NRXN3: variants seen among roughly 807,000 people sequenced by gnomAD.
The protein encoded by NRXN3 is neurexin III.
In NRXN3, 32 loss-of-function variants were observed where a neutral mutation model predicts 137.6. The ratio of observed to expected loss-of-function variants is 0.23; its 90% CI spans 0.18 to 0.31. NRXN3 has a LOEUF of 0.31. NRXN3 is among the 10% of genes least tolerant of loss of function. The pLI is 1.00. For synonymous variants in NRXN3, 798 were observed against 784.5 expected, an observed-to-expected ratio of 1.02 and a Z score of -0.29; for missense variants, 1,574 against 2,062.5, an observed-to-expected ratio of 0.76 and a Z score of 4.59.
intron 4 of NRXN3, among the ~76,000 whole-genome samples, chr14:78,520,530 C>A (rs939554829): frequency 6.6e-6 from 1 of 152,062 alleles, no homozygotes; most frequent in Admixed American, 6.5e-5. Context: ...ACAGAGGACT[C>A]AGATAAAGTT....
chr14:78,195,071 C>T (rs1386563058), intron 1 of NRXN3, among the ~76,000 whole-genome samples: 8 of 149,694 alleles, frequency 5.3e-5, no homozygotes, highest in African/African-American at 2.0e-4. Context: ...CGACCCCCCA[C>T]CCTTTTTTTT....
intron 16 of NRXN3, among the ~76,000 whole-genome samples, chr14:79,558,597 A>G (rs2097455817): frequency 1.3e-5 from 2 of 148,918 alleles, no homozygotes; most frequent in South Asian, 4.2e-4. Flanking sequence ...TCTCAACAGT[A>G]GGCTTAAATA....
At chr14:78,571,942 A>G (rs904239995) in intron 4 of NRXN3, among the ~76,000 whole-genome samples, 2 of 152,150 alleles carry the variant, frequency 1.3e-5, no homozygotes, top group Non-Finnish European at 2.9e-5. Flanking sequence ...GAGCAAATGT[A>G]TACACTGCTA....
At chr14:79,662,515 G>A (rs1055282438) in intron 16 of NRXN3, among the ~76,000 whole-genome samples, 8 of 152,168 alleles carry the variant, frequency 5.3e-5, no homozygotes, top group African/African-American at 4.8e-5. Flanking sequence ...CAGGAGGTTG[G>A]TGATATCACC....
intron 11 of NRXN3, among the ~76,000 whole-genome samples, chr14:78,965,367 A>G (rs2099415440): frequency 6.6e-6 from 1 of 152,156 alleles, no homozygotes; most frequent in African/African-American, 2.4e-5. Context: ...AAGTGTAATG[A>G]CCGCTTTTTA....
At chr14:79,569,966 A>G (rs2097584560) in intron 16 of NRXN3, among the ~76,000 whole-genome samples, 1 of 152,150 alleles carries the variant, frequency 6.6e-6, no homozygotes, top group Non-Finnish European at 1.5e-5. Context: ...ACATCACCAG[A>G]AGGGATACAC....
chr14:79,069,614 G>T (rs749700470), intron 15 of NRXN3, among the ~76,000 whole-genome samples: 3 of 151,004 alleles, frequency 2.0e-5, no homozygotes, highest in Non-Finnish European at 4.4e-5. Context: ...GAGTTAAAAA[G>T]CTATGACCTG....
chr14:79,818,580 C>T (rs150960965), intron 20 of NRXN3, among the ~76,000 whole-genome samples: 2 of 152,144 alleles, frequency 1.3e-5, no homozygotes, highest in African/African-American at 2.4e-5. Context: ...AACAACAAAA[C>T]GAACTTGTAT....
At chr14:79,350,394 C>G (rs907518133) in intron 15 of NRXN3, among the ~76,000 whole-genome samples, 1 of 152,190 alleles carries the variant, frequency 6.6e-6, no homozygotes, top group East Asian at 1.9e-4. Context: ...AGTGTCTACT[C>G]TACTGTGGGA....
At chr14:78,816,309 G>A (rs73319755) in intron 10 of NRXN3, among the ~76,000 whole-genome samples, 9,102 of 152,088 alleles carry the variant, frequency 0.06, 519 homozygotes, top group African/African-American at 0.15. Flanking sequence ...ATTTATTAGG[G>A]ATTTTTGTAT....
At chr14:78,615,773 C>T (rs1384741382) in intron 4 of NRXN3, among the ~76,000 whole-genome samples, 1 of 151,744 alleles carries the variant, frequency 6.6e-6, no homozygotes, top group African/African-American at 2.4e-5. Flanking sequence ...AGTCTCTACC[C>T]CCAAAAAAAA....
intron 16 of NRXN3, among the ~76,000 whole-genome samples, chr14:79,594,234 C>T (rs2097840567): frequency 6.6e-6 from 1 of 152,066 alleles, no homozygotes; most frequent in Admixed American, 6.5e-5. Flanking sequence ...GACATAAATG[C>T]ATTGATATTT....
chr14:79,011,440 A>C (rs1053777169), intron 15 of NRXN3, among the ~76,000 whole-genome samples: 10 of 147,182 alleles, frequency 6.8e-5, no homozygotes, highest in South Asian at 2.2e-4. Context: ...AAAAAAAAAA[A>C]AAAAAAACAA....
At chr14:78,519,837 T>C (rs1034431055) in intron 4 of NRXN3, among the ~76,000 whole-genome samples, 11 of 152,142 alleles carry the variant, frequency 7.2e-5, no homozygotes, top group African/African-American at 2.4e-4. Context: ...GACATAGCTT[T>C]AGAGAAGTTT....
chr14:79,016,616 T>G (rs2099579680), intron 15 of NRXN3, among the ~76,000 whole-genome samples: 1 of 152,232 alleles, frequency 6.6e-6, no homozygotes, highest in East Asian at 1.9e-4. Context: ...GTGATGAATG[T>G]TACAAAAGAA....
chr14:78,635,388 C>G (rs1251381678), intron 4 of NRXN3, among the ~76,000 whole-genome samples: 1 of 152,054 alleles, frequency 6.6e-6, no homozygotes, highest in Non-Finnish European at 1.5e-5. Flanking sequence ...ATATTATTTT[C>G]TAAACATGTA....
At chr14:78,215,968 A>AC (rs1244037165) in intron 1 of NRXN3, among the ~76,000 whole-genome samples, 5 of 152,344 alleles carry the variant, frequency 3.3e-5, no homozygotes, top group Admixed American at 1.3e-4. Flanking sequence ...CTCTGTGTGT[A>AC]ATGATAACAT....
chr14:79,199,662 G>A (rs1038165156), intron 15 of NRXN3, among the ~76,000 whole-genome samples: 2 of 152,196 alleles, frequency 1.3e-5, no homozygotes, highest in African/African-American at 4.8e-5. Flanking sequence ...GGATGAGGAA[G>A]ACCACCACTA....
chr14:79,236,551 G>A (rs772963763), intron 15 of NRXN3, among the ~76,000 whole-genome samples: 1 of 151,992 alleles, frequency 6.6e-6, no homozygotes, highest in Admixed American at 6.6e-5. Flanking sequence ...ATTCCCCAGG[G>A]TAGAGAAATT....
Sources: gnomAD v4.1 joint callset for allele counts (sites outside exome capture counted in the v4.1 genomes callset) on GRCh38, gnomAD v4.1.1 for gene constraint, MANE v1.5 for transcripts, NCBI Gene and HGNC (gene_info 2026-07-23, HGNC 2026-07-21) for gene names.